Variants in IQSEC1 observed in about 807,000 individuals in gnomAD.
IQSEC1 encodes IQ motif and Sec7 domain ArfGEF 1.
In IQSEC1, 31 loss-of-function variants were observed where a neutral mutation model predicts 91.0. That is an observed-to-expected ratio of 0.34 (90% CI 0.26 to 0.46). IQSEC1 has a LOEUF of 0.46. Among genes scored for constraint, IQSEC1 ranks in the 20% least tolerant of loss-of-function variants. The pLI, the probability that IQSEC1 is intolerant of heterozygous loss-of-function variation, is 1.00. For synonymous variants in IQSEC1, 699 were observed against 662.6 expected (o/e 1.05, Z -0.84); for missense variants, 1,388 against 1,575.6 (o/e 0.88, Z 2.02).
intron 1 of IQSEC1, among the ~76,000 whole-genome samples, chr3:13,007,326 C>T (rs2035480822): frequency 6.6e-6 from 1 of 152,238 alleles, no homozygotes; most frequent in Admixed American, 6.5e-5. Context: ...TGTAACTGGC[C>T]TGTCGGCCGT....
At chr3:13,093,773 C>T (rs1348844591) in intron 2 of IQSEC1, among the ~76,000 whole-genome samples, 2 of 152,200 alleles carry the variant, frequency 1.3e-5, no homozygotes, top group African/African-American at 4.8e-5. Context: ...CCTCTTATCC[C>T]TGAACCTCCT....
chr3:13,158,106 C>G (rs940747704), intron 2 of IQSEC1, among the ~76,000 whole-genome samples: 52 of 152,220 alleles, frequency 3.4e-4, no homozygotes, highest in African/African-American at 1.2e-3. Context: ...TGTCTGTACT[C>G]TTTTGATTCC....
chr3:13,013,562 T>C (rs1397073701), intron 1 of IQSEC1, among the ~76,000 whole-genome samples: 1 of 152,170 alleles, frequency 6.6e-6, no homozygotes, highest in Non-Finnish European at 1.5e-5. Flanking sequence ...AGGTGACATG[T>C]GTCCATTAAA....
intron 3 of IQSEC1, among the ~76,000 whole-genome samples, chr3:12,934,044 T>C (rs368230631): frequency 8.5e-5 from 13 of 152,286 alleles, no homozygotes; most frequent in Admixed American, 6.5e-4. Context: ...GAGATGATCC[T>C]GGAGCTCGGC....
chr3:13,073,748 G>A (rs1460152387), upstream of IQSEC1, among the ~76,000 whole-genome samples: 2 of 152,248 alleles, frequency 1.3e-5, no homozygotes, highest in Non-Finnish European at 2.9e-5. Context: ...AGCTCTCGGG[G>A]CTCTGGCCCT....
chr3:12,922,104 C>G lies in IQSEC1; in HGVS notation c.1853+16G>C, dbSNP rs765607027. 1 of 1,559,298 alleles carries G rather than the reference C, an allele frequency of 6.4e-7. No individual in the cohort carries two copies. Reference sequence around the variant, plus strand: ...TTCTTCCCTGATGCAGCAGCCCCAGCCAGCCCGGGCCCCACCTGAACGCCT... The same window carrying G: ...TTCTTCCCTGATGCAGCAGCCCCAGGCAGCCCGGGCCCCACCTGAACGCCT... On this transcript the variant is annotated intron_variant, in intron 5 of 13. Coordinates refer to ENST00000613206, the MANE Select transcript of IQSEC1 (RefSeq NM_001134382.3). This position sits in a 1 kb window ranked among gnomAD's most constrained non-coding sequence, Gnocchi z 5.1.
At chr3:13,118,398 T>G (rs1313825477) in intron 2 of IQSEC1, among the ~76,000 whole-genome samples, 1 of 152,186 alleles carries the variant, frequency 6.6e-6, no homozygotes, top group Admixed American at 6.5e-5. Flanking sequence ...TGCCAAATGG[T>G]GAAAACAGCC....
At position 13,168,283 on chromosome 3, in the gene IQSEC1, G is replaced by A. The variant is rs189890391; in HGVS notation, c.273-4150C>T. Among the ~76,000 whole-genome samples the A allele has an allele frequency of 2.0e-5, 3 of 152,292 alleles. No homozygotes were observed. In the East Asian group the frequency reaches 5.8e-4, roughly 29 times the overall value. Reference sequence around the variant, plus strand: ...TATGGCGTGATGTAGAAAAGCGTAAGAAAAACAAGTAAAAATCATCTCTAA... The same window carrying A: ...TATGGCGTGATGTAGAAAAGCGTAAAAAAAACAAGTAAAAATCATCTCTAA... On this transcript the variant is annotated intron_variant, in intron 1 of 15. Coordinates refer to the IQSEC1 transcript ENST00000648114.
rs942767252 is a variant in IQSEC1, at chr3:12,899,931, CTGAA to C, written c.*1048_*1051del. On this transcript the variant is annotated 3_prime_UTR_variant, in exon 14 of 14. Transcript: ENST00000613206. ...GTATGGGTGCCCCTCTCGGAGGACTCTGAATGAGTGTGCGTCAAATCATATGCGC... is the reference window on the plus strand; with the variant it reads ...GTATGGGTGCCCCTCTCGGAGGACTCTGAGTGTGCGTCAAATCATATGCGC... 76 of 985,142 alleles carry C rather than the reference CTGAA, an allele frequency of 7.7e-5. No homozygotes were observed. The East Asian group carries it at 1.3e-3, about 16-fold the overall frequency. 61.0% of individuals were successfully genotyped at this position (985,142 alleles called of 1,614,324 possible).
intron 1 of IQSEC1, among the ~76,000 whole-genome samples, chr3:12,965,833 A>G (rs1386165550): frequency 6.6e-6 from 1 of 152,198 alleles, no homozygotes; most frequent in Non-Finnish European, 1.5e-5. Context: ...AGGTGCAGCC[A>G]GGAGAGCACG....
At chr3:13,096,464 C>T (rs1211871498) in intron 2 of IQSEC1, among the ~76,000 whole-genome samples, 2 of 152,106 alleles carry the variant, frequency 1.3e-5, no homozygotes, top group African/African-American at 4.8e-5. Context: ...AGAAGGGATT[C>T]GCAGTCTAGC....
intron 1 of IQSEC1, among the ~76,000 whole-genome samples, chr3:12,944,596 A>ACG (rs975303023): frequency 4.0e-5 from 6 of 151,868 alleles, no homozygotes; most frequent in African/African-American, 1.5e-4. Context: ...CACATCACAC[A>ACG]CGCCCGGGAC....
intron 10 of IQSEC1, among the ~76,000 whole-genome samples, chr3:12,910,317 G>C (rs1251604346): frequency 1.3e-5 from 2 of 152,230 alleles, no homozygotes; most frequent in African/African-American, 4.8e-5. Flanking sequence ...CGGCACCCAC[G>C]ATCTAAGGCC....
intron 1 of IQSEC1, among the ~76,000 whole-genome samples, chr3:13,067,886 TGAG>T (rs750755052): frequency 2.6e-5 from 4 of 152,200 alleles, no homozygotes; most frequent in Non-Finnish European, 4.4e-5. Context: ...GCCAGGGCCC[TGAG>T]GAGATGGTGC....
chr3:13,234,459 G>T (rs541947316), intron 1 of IQSEC1, among the ~76,000 whole-genome samples: 1 of 152,340 alleles, frequency 6.6e-6, no homozygotes, highest in South Asian at 2.1e-4. Flanking sequence ...CCAGCAGGAA[G>T]CCTGGGGTCG....
rs759995578 is a variant in IQSEC1, at chr3:12,897,495, G to A, written c.*3488C>T. 4.6e-5 allele frequency: 7 copies of A among 152,116 alleles called. No individual in the cohort carries two copies. Among genetic ancestry groups the A allele is most frequent in the Non-Finnish European group, 8.8e-5 (6 of 68,028 alleles). 9.4% of individuals were successfully genotyped at this position (152,116 alleles called of 1,614,324 possible). ...GGAGATGCATGCTGTGTGCAGTCTC[G>A]ATGTGACTGCACACAGAAGGGCGAT... On this transcript the variant is annotated 3_prime_UTR_variant, in exon 14 of 14. Transcript: ENST00000613206.
intron 1 of IQSEC1, among the ~76,000 whole-genome samples, chr3:13,213,940 C>T (rs1403260464): frequency 6.6e-6 from 1 of 152,162 alleles, no homozygotes; most frequent in African/African-American, 2.4e-5. Flanking sequence ...CTCACTGATT[C>T]TGCCGCCCAG....
At position 12,935,921 on chromosome 3, in the gene IQSEC1, C is replaced by T; in HGVS notation, c.1095G>A (p.Leu365=). Residue 365 remains leucine, a synonymous_variant, in exon 3 of 14, where the codon CTG becomes CTA. Coordinates refer to ENST00000613206, the MANE Select transcript of IQSEC1 (RefSeq NM_001134382.3). This position sits in a 1 kb window ranked among gnomAD's most constrained non-coding sequence, Gnocchi z 8.0. ...EQRLRVEHLP[L]LTIEPPSDSS... is the part of the protein sequence containing the mutation. ...TGTCGCTGGGTGGCTCGATGGTGAG[C>T]AGCGGCAGATGCTCCACCCGCAGCC... The T allele has an allele frequency of 6.2e-7, 1 of 1,600,442 alleles. No homozygotes were observed.
intron 2 of IQSEC1, among the ~76,000 whole-genome samples, chr3:13,083,688 T>A (rs935135303): frequency 6.6e-6 from 1 of 152,256 alleles, no homozygotes; most frequent in African/African-American, 2.4e-5. Flanking sequence ...AGAACAGGCA[T>A]GAAATGGTGT....
Sources: allele counts gnomAD v4.1 joint callset (sites outside exome capture counted in the v4.1 genomes callset), GRCh38; gene constraint gnomAD v4.1.1; non-coding constraint Gnocchi (gnomAD v3.1); transcripts MANE v1.5; gene names NCBI Gene and HGNC (gene_info 2026-07-23, HGNC 2026-07-21).